The following SH3PXD2B variants were observed in gnomAD, a reference collection of about 807,000 sequenced individuals.
The protein encoded by SH3PXD2B is SH3 and PX domain-containing protein 2B.
In SH3PXD2B, 37 loss-of-function variants were observed where a neutral mutation model predicts 73.1. The observed-to-expected ratio is 0.51, with a 90% confidence interval of 0.39 to 0.67. The LOEUF (loss-of-function observed/expected upper bound fraction) is 0.67. Among genes scored for constraint, SH3PXD2B ranks in the 30% least tolerant of loss-of-function variants. The pLI is 0.00. For synonymous variants in SH3PXD2B, 457 were observed against 480.5 expected (o/e 0.95, Z 0.64); for missense variants, 1,053 against 1,197.8 (o/e 0.88, Z 1.78).
Position 172,350,290 on chromosome 5 carries a change from T to C in SH3PXD2B, c.1012+73A>G, listed in dbSNP as rs1297417597. The stretch of plus-strand genomic sequence containing the variant: ...GGGCTGCTGTGAGGATGAGGGACGA[T>C]GTGAGACGCCTTGAGCACAGAGCTG... On this transcript the variant is annotated intron_variant, in intron 10 of 12. Coordinates refer to ENST00000311601, the MANE Select transcript of SH3PXD2B (RefSeq NM_001017995.3). 62 of 1,470,340 alleles carry C rather than the reference T, an allele frequency of 4.2e-5. 1 individual carries two copies. In the Middle Eastern group the frequency reaches 1.2e-3, roughly 28 times the overall value. The allele number at this position is 1,470,340 out of a possible 1,614,324, so 91.1% of individuals were successfully genotyped here. A position where few individuals can be genotyped will look rare whatever the true frequency, so the allele number is the denominator to read the frequency against.
At position 172,339,078 on chromosome 5, in the gene SH3PXD2B, T is replaced by G. The variant is rs1756778816; in HGVS notation, c.2027A>C (p.Gln676Pro). 3 of 1,614,116 alleles carry G rather than the reference T, an allele frequency of 1.9e-6. No individual in the cohort carries two copies. Among genetic ancestry groups the G allele is most frequent in the Non-Finnish European group, 1.7e-6 (2 of 1,180,054 alleles). The change falls in exon 13 of 13, where the codon CAA becomes CCA. Residue 676 changes from glutamine to proline, a missense_variant. Gln to Pro is a moderately conservative substitution (Grantham distance 76). This residue lies in a region of SH3PXD2B where 587 missense variants were observed against 590.7 expected (regional missense o/e 0.99). Transcript: ENST00000311601. This position sits in a 1 kb window ranked among gnomAD's most constrained non-coding sequence, Gnocchi z 6.1. ...LRSKLRPAKS[Q>P]DKSLLDGEGP... ...CTCCCCATCCAACAAGGACTTGTCT[T>G]GGGACTTGGCAGGCCTGAGCTTACT...
At chr5:172,331,815 A>G (rs1383183321), downstream of SH3PXD2B, among the ~76,000 whole-genome samples, 1 of 152,054 alleles carries the variant, frequency 6.6e-6, no homozygotes, top group Non-Finnish European at 1.5e-5. Context: ...AGCTGGCAGT[A>G]CACACCTGTA....
intron 12 of SH3PXD2B, among the ~76,000 whole-genome samples, chr5:172,341,882 C>T (rs1412947429): frequency 6.6e-6 from 1 of 151,828 alleles, no homozygotes; most frequent in Non-Finnish European, 1.5e-5. Context: ...TGGGCTTGAT[C>T]TCCTGACCTC....
intron 2 of SH3PXD2B, among the ~76,000 whole-genome samples, chr5:172,414,456 T>TA (rs1007937801): frequency 0.058 from 4,492 of 77,466 alleles, 230 homozygotes; most frequent in South Asian, 0.12. Context: ...GACTCCATCT[T>TA]AAAAAAAAAA....
rs1490980427 is a variant in SH3PXD2B, at chr5:172,337,624, A to C, written c.*745T>G. ...CAAGTTGGGGTGGGAACTCTCATTG[A>C]AAAGCCCTGGAGGGACCGGAGCCTG... is the stretch of plus-strand genomic sequence containing the variant. On this transcript the variant is annotated 3_prime_UTR_variant, in exon 13 of 13. Transcript: ENST00000311601. The C allele has an allele frequency of 1.0e-5, 10 of 985,386 alleles. No homozygotes were observed. Among genetic ancestry groups the C allele is most frequent in the Middle Eastern group, 5.2e-4 (1 of 1,940 alleles). 61.0% of individuals were successfully genotyped at this position (985,386 alleles called of 1,614,324 possible).
chr5:172,437,209 C>G (rs147480108), intron 1 of SH3PXD2B, among the ~76,000 whole-genome samples: 34 of 152,264 alleles, frequency 2.2e-4, no homozygotes, highest in African/African-American at 8.2e-4. Context: ...TCGGATGGAG[C>G]TCCACGGGCT....
chr5:172,391,473 CTTTT>C (rs1561919503), intron 4 of SH3PXD2B, among the ~76,000 whole-genome samples: 1 of 152,046 alleles, frequency 6.6e-6, no homozygotes, highest in Non-Finnish European at 1.5e-5. Context: ...ATTTCTTTCT[CTTTT>C]TTTGAGATGG....
Position 172,347,336 on chromosome 5 carries a change from T to C in SH3PXD2B, c.1013-4A>G, listed in dbSNP as rs1561895589. On this transcript the variant is annotated splice_polypyrimidine_tract_variant and splice_region_variant and intron_variant, in intron 10 of 12. Coordinates refer to ENST00000311601, the MANE Select transcript of SH3PXD2B (RefSeq NM_001017995.3). ...CTCTGCCTCATCTTTGGTGATCCTA[T>C]GGAGAAATGAGAGCTTATTACATCT... is the stretch of plus-strand genomic sequence containing the variant. 1 of 1,613,978 alleles carries C rather than the reference T, an allele frequency of 6.2e-7. No homozygotes were observed. Among genetic ancestry groups the C allele is most frequent in the Non-Finnish European group, 8.5e-7 (1 of 1,179,942 alleles).
chr5:172,391,028 A>C (rs185834984), intron 4 of SH3PXD2B, among the ~76,000 whole-genome samples: 6 of 152,044 alleles, frequency 3.9e-5, no homozygotes, highest in South Asian at 2.1e-4. Context: ...TTTAGTAGAG[A>C]TGGGGTTTCT....
At chr5:172,404,162 C>T (rs892155631) in intron 3 of SH3PXD2B, among the ~76,000 whole-genome samples, 6 of 152,134 alleles carry the variant, frequency 3.9e-5, no homozygotes, top group Non-Finnish European at 7.4e-5. Flanking sequence ...CAAACACATG[C>T]GCCCTGTCTC....
In SH3PXD2B at chr5:172,383,434, C is replaced by T. The variant is rs376076828; in HGVS notation, c.310-1307G>A. Among the ~76,000 whole-genome samples the T allele has an allele frequency of 7.2e-5, 11 of 152,372 alleles. No individual in the cohort carries two copies. The East Asian group carries it at 7.7e-4, about 11-fold the overall frequency. ...TTTGTGCTCAGCACTGCACTAGTTT[C>T]TGTGCCAAATACAACAGAAGTGCAG... is the stretch of plus-strand genomic sequence containing the variant. On this transcript the variant is annotated intron_variant, in intron 4 of 12. Transcript: ENST00000311601.
chr5:172,448,582 A>C (rs1759726305), intron 1 of SH3PXD2B, among the ~76,000 whole-genome samples: 1 of 152,234 alleles, frequency 6.6e-6, no homozygotes, highest in African/African-American at 2.4e-5. Flanking sequence ...GAGAATTCAA[A>C]GCCAGGTCTT....
At chr5:172,367,155 C>A (rs1305516190) in intron 6 of SH3PXD2B, among the ~76,000 whole-genome samples, 1 of 150,766 alleles carries the variant, frequency 6.6e-6, no homozygotes, top group Non-Finnish European at 1.5e-5. Context: ...CCAGGCTGGT[C>A]TCGAACTCTT....
chr5:172,382,556 A>AACACACACACACAC (rs3057156), intron 4 of SH3PXD2B, among the ~76,000 whole-genome samples: 1 of 149,574 alleles, frequency 6.7e-6, no homozygotes, highest in South Asian at 2.1e-4. Flanking sequence ...TTTGGAGAAC[A>AACACACACACACAC]ACACACACAC....
chr5:172,342,888 AG>A (rs1756891676), intron 12 of SH3PXD2B, among the ~76,000 whole-genome samples: 1 of 152,200 alleles, frequency 6.6e-6, no homozygotes, highest in African/African-American at 2.4e-5. Context: ...ACTCAGCGCC[AG>A]GACGCAAATG....
intron 1 of SH3PXD2B, 59 bp from the exon 2 acceptor site, chr5:172,422,555 G>T: frequency 6.8e-7 from 1 of 1,478,326 alleles, no homozygotes. Flanking sequence ...CCAATCTCTG[G>T]GACCCAGGGG....
Position 172,337,967 on chromosome 5 carries a change from G to A in SH3PXD2B, c.*402C>T, listed in dbSNP as rs1756743407. 9.1e-7 allele frequency: 1 copy of A among 1,096,030 alleles called. No homozygotes were observed. The highest frequency in any genetic ancestry group is 1.1e-6 in the Non-Finnish European group (1 of 898,752). The allele number at this position is 1,096,030 out of a possible 1,614,324, so 67.9% of individuals were successfully genotyped here. A position where few individuals can be genotyped will look rare whatever the true frequency, so the allele number is the denominator to read the frequency against. Reference sequence around the variant, plus strand: ...GCAAAAGTCATCATGGACTGGGTTGGCTGCCCCTTACTGTGCCATGTCCAA... The same window carrying A: ...GCAAAAGTCATCATGGACTGGGTTGACTGCCCCTTACTGTGCCATGTCCAA... On this transcript the variant is annotated 3_prime_UTR_variant, in exon 13 of 13. Transcript: ENST00000311601.
chr5:172,448,753 AG>A (rs1166071333), intron 1 of SH3PXD2B, among the ~76,000 whole-genome samples: 2 of 152,198 alleles, frequency 1.3e-5, no homozygotes, highest in East Asian at 3.8e-4. Context: ...GTAAAAACTA[AG>A]GGGGGGCATT....
At chr5:172,344,130 C>T (rs1044764995) in intron 12 of SH3PXD2B, among the ~76,000 whole-genome samples, 4 of 151,984 alleles carry the variant, frequency 2.6e-5, no homozygotes, top group African/African-American at 9.7e-5. Flanking sequence ...CATAACACAT[C>T]CTGAAGATAA....
Sources: gnomAD v4.1 joint callset for allele counts (sites outside exome capture counted in the v4.1 genomes callset) on GRCh38, gnomAD v4.1.1 for gene constraint, gnomAD v4.1.1 regional missense constraint, Gnocchi (gnomAD v3.1) non-coding constraint, MANE v1.5 for transcripts, NCBI Gene and HGNC (gene_info 2026-07-23, HGNC 2026-07-21) for gene names.